AGXT2: variants seen among roughly 807,000 people sequenced by gnomAD.
AGXT2 encodes the protein alanine--glyoxylate aminotransferase 2, mitochondrial.
AGXT2 carries 61 observed loss-of-function variants against 62.5 expected under a neutral mutation model. The ratio of observed to expected loss-of-function variants is 0.98; its 90% CI spans 0.79 to 1.21. The LOEUF is 1.21. AGXT2 is among the 50% of genes most tolerant of loss of function. The pLI is 0.00. For synonymous variants in AGXT2, 243 were observed against 218.7 expected, an observed-to-expected ratio of 1.11 and a Z score of -0.98; for missense variants, 666 against 641.5, an observed-to-expected ratio of 1.04 and a Z score of -0.41.
chr5:35,026,424 C>T lies in AGXT2; in HGVS notation c.856G>A (p.Ala286Thr), dbSNP rs1393301104. Residue 286 changes from alanine to threonine, a missense_variant, in exon 8 of 14, where the codon GCA becomes ACA. Transcript: ENST00000231420. Reference sequence around the variant, plus strand: ...CATATACCCACTTGAATAGGTTCTGCGAAAAATCCAGCAATTGACTTGGCC... The same window carrying T: ...CATATACCCACTTGAATAGGTTCTGTGAAAAATCCAGCAATTGACTTGGCC... ...SVAKSIAGFF[A>T]EPIQGVNGVV... 11 of 1,613,548 alleles carry T rather than the reference C, an allele frequency of 6.8e-6. No individual in the cohort carries two copies. Among genetic ancestry groups the T allele is most frequent in the African/African-American group, 1.3e-5 (1 of 75,008 alleles).
chr5:35,020,589 T>C (rs1767030958), intron 9 of AGXT2, among the ~76,000 whole-genome samples: 1 of 152,056 alleles, frequency 6.6e-6, no homozygotes, highest in African/African-American at 2.4e-5. Context: ...TAATAAGAGG[T>C]ATCTATGACA....
At chr5:35,015,712 T>C (rs1766825474) in intron 9 of AGXT2, among the ~76,000 whole-genome samples, 1 of 151,848 alleles carries the variant, frequency 6.6e-6, no homozygotes, top group Non-Finnish European at 1.5e-5. Flanking sequence ...TGTCTGAGTG[T>C]GGTGGCGGGA....
intron 11 of AGXT2, chr5:35,012,496 A>G (rs1214883960): frequency 6.2e-6 from 1 of 160,906 alleles, no homozygotes; most frequent in Non-Finnish European, 1.4e-5. Flanking sequence ...CCCAGGCTAA[A>G]TCAATGGTGT....
At chr5:35,025,649 T>C (rs1283806167) in intron 9 of AGXT2, 114 bp downstream of exon 9, 2 of 1,078,616 alleles carry the variant, frequency 1.9e-6, no homozygotes, top group Non-Finnish European at 2.8e-6. Context: ...AGGCAAACTT[T>C]GGAATTCACA....
In AGXT2 at chr5:35,035,276, A is replaced by C; in HGVS notation, c.527T>G (p.Leu176Arg). 1 of 1,614,122 alleles carries C rather than the reference A, an allele frequency of 6.2e-7. No individual in the cohort carries two copies. Among genetic ancestry groups the C allele is most frequent in the Non-Finnish European group, 8.5e-7 (1 of 1,179,988 alleles). The change falls in exon 5 of 14, where the codon CTG becomes CGG. Residue 176 changes from leucine (L) to arginine (R), a missense_variant. Coordinates refer to ENST00000231420, the MANE Select transcript of AGXT2 (RefSeq NM_031900.4). ...LVNSGSEANE[L>R]AMLMARAHSN... Reference sequence around the variant, plus strand: ...GTGCGCCCTGGCCATCAGCATGGCCAGCTCATTGGCTTCTGAGCCACTGTT... The same window carrying C: ...GTGCGCCCTGGCCATCAGCATGGCCCGCTCATTGGCTTCTGAGCCACTGTT...
intron 1 of AGXT2, among the ~76,000 whole-genome samples, chr5:35,042,211 C>A: frequency 6.6e-6 from 1 of 152,194 alleles, no homozygotes; most frequent in East Asian, 1.9e-4. Context: ...AAATACTTGA[C>A]AAAGAAAAGC....
At chr5:35,011,627 T>A (rs2112193253) in intron 11 of AGXT2, among the ~76,000 whole-genome samples, 1 of 152,208 alleles carries the variant, frequency 6.6e-6, no homozygotes, top group East Asian at 1.9e-4. Context: ...TTGGAATAGG[T>A]AAATCAAGTT....
At chr5:35,046,682 G>A (rs1231520042) in intron 1 of AGXT2, among the ~76,000 whole-genome samples, 1 of 152,148 alleles carries the variant, frequency 6.6e-6, no homozygotes, top group South Asian at 2.1e-4. Context: ...AATTTTCAGG[G>A]GTAAGAAAGC....
chr5:34,998,895 T>C, intron 13 of AGXT2, 69 bp from the exon 14 acceptor site: 1 of 1,204,030 alleles, frequency 8.3e-7, no homozygotes, highest in Non-Finnish European at 1.2e-6. Context: ...GGAAATGCAC[T>C]AAACTAAAAA....
intron 1 of AGXT2, among the ~76,000 whole-genome samples, chr5:35,041,433 A>G (rs1420278203): frequency 2.0e-5 from 3 of 152,162 alleles, no homozygotes. Context: ...GAAGAACGGG[A>G]ACAAAACTCC....
chr5:35,007,852 C>G (rs548685239), intron 12 of AGXT2, among the ~76,000 whole-genome samples: 53 of 152,224 alleles, frequency 3.5e-4, no homozygotes, highest in African/African-American at 1.3e-3. Context: ...TCATGAATGT[C>G]TTGGTGCTGT....
chr5:35,004,736 G>A (rs76580128), intron 12 of AGXT2, among the ~76,000 whole-genome samples: 5,728 of 152,288 alleles, frequency 0.038, 122 homozygotes, highest in African/African-American at 0.06. Context: ...GGCTAAGCGA[G>A]CTAAGTGAGG....
At position 35,039,660 on chromosome 5, in the gene AGXT2, C is replaced by T. The variant is rs949665130; in HGVS notation, c.178-152G>A. On this transcript the variant is annotated intron_variant, in intron 2 of 13. Coordinates refer to ENST00000231420, the MANE Select transcript of AGXT2 (RefSeq NM_031900.4). ...GTGCGTGTACTTACCCAATATCGTC[C>T]CTGCAAGAAATTAAAGCCTTTTCTC... 7.0e-6 allele frequency: 5 copies of T among 710,156 alleles called. No individual in the cohort carries two copies. The South Asian group carries it at 1.0e-4, about 14-fold the overall frequency. The allele number at this position is 710,156 out of a possible 1,614,324, so 44.0% of individuals were successfully genotyped here. A position where few individuals can be genotyped will look rare whatever the true frequency, so the allele number is the denominator to read the frequency against.
At position 35,009,992 on chromosome 5, in the gene AGXT2, G is replaced by T. The variant is rs756793628; in HGVS notation, c.1338+8C>A. On this transcript the variant is annotated splice_region_variant and intron_variant, in intron 12 of 13. Coordinates refer to ENST00000231420, the MANE Select transcript of AGXT2 (RefSeq NM_031900.4). The stretch of plus-strand genomic sequence containing the variant: ...GCAGCTGAGAGAGAGGGGCAGATTA[G>T]CACCTACCTTATCCTGCACCATTTC... 1.2e-6 allele frequency: 2 copies of T among 1,614,140 alleles called. No homozygotes were observed. The highest frequency in any genetic ancestry group is 1.7e-6 in the Non-Finnish European group (2 of 1,180,032).
chr5:35,021,861 T>A (rs1341799288), intron 9 of AGXT2, among the ~76,000 whole-genome samples: 1 of 152,032 alleles, frequency 6.6e-6, no homozygotes, highest in Non-Finnish European at 1.5e-5. Flanking sequence ...TACAATGAAC[T>A]CTAACAAATT....
intron 13 of AGXT2, 102 bp downstream of exon 13, chr5:35,003,661 G>T: frequency 8.7e-7 from 1 of 1,153,154 alleles, no homozygotes. Context: ...ACTGCAACCA[G>T]CATTAGGACA....
chr5:35,014,067 TGGGTTTG>T lies in AGXT2; in HGVS notation c.1009_1015del (p.Gln337ThrfsTer24). The T allele has an allele frequency of 6.2e-7, 1 of 1,614,162 alleles. No individual in the cohort carries two copies. The highest frequency in any genetic ancestry group is 1.1e-5 in the South Asian group (1 of 91,080). On this transcript the variant is annotated frameshift_variant, in exon 10 of 14. Coordinates refer to ENST00000231420, the MANE Select transcript of AGXT2 (RefSeq NM_031900.4). LOFTEE classifies it high-confidence loss of function. The stretch of plus-strand genomic sequence containing the variant: ...GGTGACAATGTCAGGCAGGACATCG[TGGGTTTG>T]GAAGCCCCAGAAGTGAGAGCCCAAC...
At chr5:34,999,547 GA>G (rs1163291595) in intron 13 of AGXT2, among the ~76,000 whole-genome samples, 1 of 152,120 alleles carries the variant, frequency 6.6e-6, no homozygotes, top group Non-Finnish European at 1.5e-5. Flanking sequence ...AAGAGTTAGA[GA>G]AAAATCACAC....
chr5:35,017,269 C>A (rs1336443450), intron 9 of AGXT2, among the ~76,000 whole-genome samples: 2 of 152,190 alleles, frequency 1.3e-5, no homozygotes, highest in Non-Finnish European at 2.9e-5. Context: ...CCTATTCCTA[C>A]TAACGGCATA....
Sources: allele counts gnomAD v4.1 joint callset (sites outside exome capture counted in the v4.1 genomes callset), GRCh38; gene constraint gnomAD v4.1.1; transcripts MANE v1.5; gene names NCBI Gene and HGNC (gene_info 2026-07-23, HGNC 2026-07-21).